The following CFAP299 variants were observed in gnomAD, a reference collection of about 807,000 sequenced individuals.
CFAP299 encodes the protein cilia and flagella associated protein 299, also known as cilia- and flagella-associated protein 299.
CFAP299 carries 21 observed loss-of-function variants against 27.0 expected under a neutral mutation model. The ratio of observed to expected loss-of-function variants is 0.78; its 90% CI spans 0.55 to 1.12. CFAP299 has a LOEUF of 1.12. CFAP299 is among the 50% of genes most tolerant of loss of function. The probability of loss-of-function intolerance (pLI) is 0.00; values close to 1 mark genes in which losing one functional copy is unlikely to be tolerated. For missense variants in CFAP299, 310 were observed against 276.6 expected, an observed-to-expected ratio of 1.12 and a Z score of -0.86; for synonymous variants, 104 against 98.1, an observed-to-expected ratio of 1.06 and a Z score of -0.36.
chr4:80,906,147 A>T (rs1325625192), intron 4 of CFAP299, among the ~76,000 whole-genome samples: 1 of 150,982 alleles, frequency 6.6e-6, no homozygotes, highest in East Asian at 1.9e-4. Flanking sequence ...TATGGAAGAA[A>T]TTAGCCAAAA....
intron 3 of CFAP299, among the ~76,000 whole-genome samples, chr4:80,715,751 T>C (rs2110040742): frequency 6.6e-6 from 1 of 152,224 alleles, no homozygotes; most frequent in Admixed American, 6.5e-5. Context: ...ACAAAGTCTT[T>C]TGTGCTATTG....
intron 5 of CFAP299, among the ~76,000 whole-genome samples, chr4:80,953,928 A>C (rs1349474811): frequency 6.6e-6 from 1 of 152,216 alleles, no homozygotes; most frequent in Non-Finnish European, 1.5e-5. Flanking sequence ...TTCCAAGAGC[A>C]ACCTAATCAA....
At position 80,870,010 on chromosome 4, in the gene CFAP299, T is replaced by C. The variant is rs1732986980; in HGVS notation, c.351T>C (p.Arg117=). 10 of 1,611,316 alleles carry C rather than the reference T, an allele frequency of 6.2e-6. No individual in the cohort carries two copies. In the Middle Eastern group the frequency reaches 1.5e-3, roughly 240 times the overall value. Residue 117 remains arginine (R), a synonymous_variant, in exon 4 of 6, where the codon CGT becomes CGC. Transcript: ENST00000358105. ...SGKLSSVIFI[R]DRNSHGQEIS... is the part of the protein sequence containing the mutation. ...GCTACCAGTCCGTGATCTTTATTCG[T>C]GACAGAAATTCTCATGGGCAAGAGA...
At chr4:80,913,405 C>G (rs1237015989) in intron 4 of CFAP299, among the ~76,000 whole-genome samples, 4 of 152,146 alleles carry the variant, frequency 2.6e-5, no homozygotes, top group Non-Finnish European at 4.4e-5. Context: ...TCTTAACATA[C>G]AATACTATGA....
At chr4:80,808,960 G>T (rs915760639) in intron 3 of CFAP299, among the ~76,000 whole-genome samples, 1 of 152,018 alleles carries the variant, frequency 6.6e-6, no homozygotes, top group Non-Finnish European at 1.5e-5. Flanking sequence ...AGAGATTTTC[G>T]TAAGGGATTA....
intron 3 of CFAP299, among the ~76,000 whole-genome samples, chr4:80,839,624 A>G (rs1254551561): frequency 6.6e-6 from 1 of 152,164 alleles, no homozygotes; most frequent in African/African-American, 2.4e-5. Context: ...AAGCAGATAG[A>G]AAATAATTCA....
chr4:80,576,141 A>ATT (rs1379221267), intron 2 of CFAP299, among the ~76,000 whole-genome samples: 1 of 151,254 alleles, frequency 6.6e-6, no homozygotes, highest in Non-Finnish European at 1.5e-5. Context: ...ATATGTAACA[A>ATT]ACCTGCACAT....
intron 3 of CFAP299, among the ~76,000 whole-genome samples, chr4:80,702,654 G>A (rs1315449145): frequency 6.6e-6 from 1 of 151,794 alleles, no homozygotes; most frequent in Non-Finnish European, 1.5e-5. Flanking sequence ...CACAATGTCT[G>A]CTAAGTAAAA....
rs1733049950 is a variant in CFAP299, at chr4:80,870,953, C to A, written c.476+818C>A. The A allele has an allele frequency of 3.4e-6, 3 of 892,616 alleles. No homozygotes were observed. The South Asian group carries it at 1.5e-4, about 46-fold the overall frequency. The allele number at this position is 892,616 out of a possible 1,614,324, so 55.3% of individuals were successfully genotyped here. A position where few individuals can be genotyped will look rare whatever the true frequency, so the allele number is the denominator to read the frequency against. The stretch of plus-strand genomic sequence containing the variant: ...ATGGAGTCTCGCTCTGTCGCCCAGG[C>A]TGGAGTGCAATGGTGCAATCTTGGA... On this transcript the variant is annotated intron_variant, in intron 4 of 5. Coordinates refer to ENST00000358105, the MANE Select transcript of CFAP299 (RefSeq NM_152770.3).
chr4:80,495,883 C>T (rs115685853), intron 2 of CFAP299, among the ~76,000 whole-genome samples: 2,805 of 152,298 alleles, frequency 0.018, 108 homozygotes, highest in African/African-American at 0.063. Flanking sequence ...TACCTCTGCC[C>T]TTTTGAGCCA....
At chr4:80,568,135 T>C (rs1458829134) in intron 2 of CFAP299, among the ~76,000 whole-genome samples, 2 of 151,808 alleles carry the variant, frequency 1.3e-5, no homozygotes, top group African/African-American at 2.4e-5. Flanking sequence ...GAAAAACTTT[T>C]AGGGAAAAAT....
chr4:80,505,755 T>C (rs760534862), intron 2 of CFAP299, among the ~76,000 whole-genome samples: 8 of 152,194 alleles, frequency 5.3e-5, no homozygotes, highest in Non-Finnish European at 1.2e-4. Context: ...TTTAATTGCC[T>C]CATAAAGAAA....
chr4:80,800,541 A>AT lies in CFAP299; in HGVS notation c.334-69451dup, dbSNP rs377122960. ...TAATATATAATATATTATATAATAT[A>AT]TAATATATCAATATATTATATAATA... On this transcript the variant is annotated intron_variant, in intron 3 of 5. Transcript: ENST00000358105. Among the ~76,000 whole-genome samples, 36 of 42,222 alleles carry AT rather than the reference A, an allele frequency of 8.5e-4. 2 individuals are homozygous for AT. Among genetic ancestry groups the AT allele is most frequent in the Admixed American group, 1.9e-3 (4 of 2,070 alleles). 27.7% of individuals were successfully genotyped at this position (42,222 alleles called of 152,430 possible). A position where few individuals can be genotyped will look rare whatever the true frequency, so the allele number is the denominator to read the frequency against.
intron 3 of CFAP299, among the ~76,000 whole-genome samples, chr4:80,866,059 TTATATA>T (rs70956073): frequency 0.045 from 2,640 of 58,314 alleles, 153 homozygotes; most frequent in African/African-American, 0.093. Context: ...ACTTAAAGTA[TTATATA>T]TATATATATA....
intron 3 of CFAP299, among the ~76,000 whole-genome samples, chr4:80,866,656 A>T (rs944514680): frequency 1.3e-5 from 2 of 152,146 alleles, no homozygotes; most frequent in Non-Finnish European, 2.9e-5. Context: ...AGGGCTGTAT[A>T]CGATGATTCT....
chr4:80,638,574 A>G (rs1364131063), intron 3 of CFAP299, among the ~76,000 whole-genome samples: 2 of 152,320 alleles, frequency 1.3e-5, no homozygotes, highest in East Asian at 1.9e-4. Context: ...CACTTGAGTC[A>G]TGCTTCCCTG....
intron 3 of CFAP299, among the ~76,000 whole-genome samples, chr4:80,866,059 TTATATATATATA>T (rs70956073): frequency 0.25 from 14,413 of 58,400 alleles, 1,802 homozygotes; most frequent in Middle Eastern, 0.43. Context: ...ACTTAAAGTA[TTATATATATATA>T]TATATATATA....
At chr4:80,510,627 T>G (rs1300663888) in intron 2 of CFAP299, among the ~76,000 whole-genome samples, 3 of 152,172 alleles carry the variant, frequency 2.0e-5, no homozygotes, top group Non-Finnish European at 4.4e-5. Context: ...ACCCAGCCTC[T>G]GCTTCTAGGT....
intron 2 of CFAP299, among the ~76,000 whole-genome samples, chr4:80,535,919 A>G (rs1733717819): frequency 6.6e-6 from 1 of 152,166 alleles, no homozygotes; most frequent in Admixed American, 6.5e-5. Context: ...TAGAAAATAC[A>G]CTCTAATTGT....
Sources: allele counts gnomAD v4.1 joint callset (sites outside exome capture counted in the v4.1 genomes callset), GRCh38; gene constraint gnomAD v4.1.1; transcripts MANE v1.5; gene names NCBI Gene and HGNC (gene_info 2026-07-23, HGNC 2026-07-21).